LRRIQ1: variants seen among roughly 807,000 people sequenced by gnomAD.
LRRIQ1 encodes leucine-rich repeat- and IQ domain-containing protein 1.
LRRIQ1 carries 210 observed loss-of-function variants against 211.9 expected under a neutral mutation model. That is an observed-to-expected ratio of 0.99 (90% CI 0.89 to 1.11). LRRIQ1 has a LOEUF of 1.11. LRRIQ1 is among the 50% of genes most tolerant of loss of function. The pLI, the probability that LRRIQ1 is intolerant of heterozygous loss-of-function variation, is 0.00. For synonymous variants in LRRIQ1, 699 were observed against 650.1 expected (o/e 1.08, Z -1.14); for missense variants, 2,136 against 1,939.5 (o/e 1.10, Z -1.90).
intron 24 of LRRIQ1, among the ~76,000 whole-genome samples, chr12:85,217,338 A>T (rs1894136688): frequency 1.3e-5 from 2 of 150,410 alleles, no homozygotes; most frequent in South Asian, 2.1e-4. Flanking sequence ...GTTTCTTTTG[A>T]AATAAAAGTT....
chr12:85,101,742 A>G (rs1886358842), intron 13 of LRRIQ1, among the ~76,000 whole-genome samples: 1 of 151,850 alleles, frequency 6.6e-6, no homozygotes, highest in Non-Finnish European at 1.5e-5. Flanking sequence ...AAGAAAACAA[A>G]CATGATATTA....
intron 18 of LRRIQ1, among the ~76,000 whole-genome samples, chr12:85,133,558 T>C (rs1888918863): frequency 6.6e-6 from 1 of 152,096 alleles, no homozygotes. Context: ...CTGAAATAGA[T>C]GGTGAGGTTT....
intron 24 of LRRIQ1, among the ~76,000 whole-genome samples, chr12:85,223,842 A>C (rs548942488): frequency 6.6e-6 from 1 of 152,256 alleles, no homozygotes; most frequent in South Asian, 2.1e-4. Context: ...TACAATGTAC[A>C]AACTAAAATT....
Position 85,056,475 on chromosome 12 carries a change from A to G in LRRIQ1, c.1682A>G (p.Gln561Arg). Reference sequence around the variant, plus strand: ...ACCCAGATAATATTAGGACATAACCAAGAAATCAGTGAGGTGAAAACCAAT... The same window carrying G: ...ACCCAGATAATATTAGGACATAACCGAGAAATCAGTGAGGTGAAAACCAAT... ...QKTQIILGHN[Q>R]EISEVKTNEE... is the part of the protein sequence containing the mutation. The change falls in exon 8 of 27, where the codon CAA (glutamine) becomes CGA (arginine). Residue 561 changes from glutamine to arginine, a missense_variant. Coordinates refer to ENST00000393217, the MANE Select transcript of LRRIQ1 (RefSeq NM_001079910.2). The G allele has an allele frequency of 6.2e-7, 1 of 1,611,308 alleles. No homozygotes were observed. The highest frequency in any genetic ancestry group is 1.7e-5 in the Admixed American group (1 of 59,660).
At chr12:85,098,311 G>A in intron 11 of LRRIQ1, 44 bp from the exon 12 acceptor site, 1 of 1,307,812 alleles carries the variant, frequency 7.6e-7, no homozygotes, top group South Asian at 1.3e-5. Context: ...CTAGAGTCTG[G>A]AAGACTGTAT....
chr12:85,071,734 A>G (rs1404111312), intron 10 of LRRIQ1, among the ~76,000 whole-genome samples: 1 of 152,032 alleles, frequency 6.6e-6, no homozygotes, highest in Non-Finnish European at 1.5e-5. Flanking sequence ...AGACAATGCA[A>G]GAGCAAAGGG....
intron 24 of LRRIQ1, among the ~76,000 whole-genome samples, chr12:85,227,532 C>T (rs962365207): frequency 1.3e-5 from 2 of 151,762 alleles, no homozygotes; most frequent in African/African-American, 2.4e-5. Context: ...TTGATTTTTT[C>T]TTGTAAATTT....
At position 85,124,164 on chromosome 12, in the gene LRRIQ1, G is replaced by C; in HGVS notation, c.3652G>C (p.Gly1218Arg). 1 of 1,614,054 alleles carries C rather than the reference G, an allele frequency of 6.2e-7. No individual in the cohort carries two copies. The highest frequency in any genetic ancestry group is 2.2e-5 in the East Asian group (1 of 44,878). The change falls in exon 17 of 27, where the codon GGG becomes CGG. Residue 1218 changes from glycine (G) to arginine (R), a missense_variant. Gly to Arg is a moderately radical substitution (Grantham distance 125). Transcript: ENST00000393217. Reference sequence around the variant, plus strand: ...TGAATACCGACATGCACACGAACGAGGGGATGTAACTATCACCAAGAAAGA... The same window carrying C: ...TGAATACCGACATGCACACGAACGACGGGATGTAACTATCACCAAGAAAGA... ...STEYRHAHER[G>R]DVTITKKDES...
At position 85,198,063 on chromosome 12, in the gene LRRIQ1, A is replaced by T. The variant is rs11503286; in HGVS notation, c.4823-31454A>T. On this transcript the variant is annotated intron_variant, in intron 24 of 26. Transcript: ENST00000393217. ...ATAATATATTATATAATTATATATA[A>T]CATATTATTTATATATAATTTATTA... Among the ~76,000 whole-genome samples the T allele has an allele frequency of 4.9e-3, 239 of 48,898 alleles. 2 individuals carry two copies. The African/African-American group carries it at 0.069, about 14-fold the overall frequency. The allele number at this position is 48,898 out of a possible 152,430, so 32.1% of individuals were successfully genotyped here.
At chr12:85,133,157 G>T (rs1405673244) in intron 18 of LRRIQ1, among the ~76,000 whole-genome samples, 1 of 152,034 alleles carries the variant, frequency 6.6e-6, no homozygotes, top group Non-Finnish European at 1.5e-5. Flanking sequence ...GCTTATCATT[G>T]TGTTTAAATT....
At chr12:85,159,595 C>T (rs567759275) in intron 23 of LRRIQ1, 1 of 152,010 alleles carries the variant, frequency 6.6e-6, no homozygotes, top group East Asian at 1.9e-4. Context: ...TAGGATCTAA[C>T]CCAGGTCTGC....
chr12:85,233,012 A>G, intron 26 of LRRIQ1: 1 of 345,120 alleles, frequency 2.9e-6, no homozygotes, highest in Non-Finnish European at 5.2e-6. Flanking sequence ...CTTTAAAATA[A>G]AATTACTGTG....
At chr12:85,153,571 C>T in intron 21 of LRRIQ1, 92 bp from the exon 22 acceptor site, 1 of 780,356 alleles carries the variant, frequency 1.3e-6, no homozygotes, top group East Asian at 3.1e-5. Context: ...ATTTTATTTC[C>T]AAGTTTGAGA....
intron 24 of LRRIQ1, among the ~76,000 whole-genome samples, chr12:85,187,248 G>C (rs577125958): frequency 2.6e-5 from 4 of 152,190 alleles, no homozygotes; most frequent in African/African-American, 7.2e-5. Context: ...TTTCCTTACA[G>C]TTTAAAAGCT....
At chr12:85,215,854 A>G (rs1894053228) in intron 24 of LRRIQ1, among the ~76,000 whole-genome samples, 1 of 152,232 alleles carries the variant, frequency 6.6e-6, no homozygotes, top group Non-Finnish European at 1.5e-5. Context: ...AATATTGAAC[A>G]AATGAAAACA....
chr12:85,272,715 G>T, the LRRIQ1 span, among the ~76,000 whole-genome samples: 1 of 152,106 alleles, frequency 6.6e-6, no homozygotes, highest in Non-Finnish European at 1.5e-5. Context: ...GAGAGAGCAA[G>T]TGTGAAGGTA....
At chr12:85,155,334 C>T (rs910691685) in intron 23 of LRRIQ1, among the ~76,000 whole-genome samples, 1 of 151,470 alleles carries the variant, frequency 6.6e-6, no homozygotes, top group African/African-American at 2.4e-5. Flanking sequence ...ATTTTGTAAG[C>T]TCCTATTAAG....
downstream of LRRIQ1, among the ~76,000 whole-genome samples, chr12:85,248,395 G>A (rs1195566448): frequency 6.6e-6 from 1 of 151,538 alleles, no homozygotes; most frequent in Non-Finnish European, 1.5e-5. Flanking sequence ...TAGTAAAATA[G>A]TAGAAGAAAA....
At chr12:85,102,843 CTTAT>C (rs985725611) in intron 13 of LRRIQ1, among the ~76,000 whole-genome samples, 2 of 149,108 alleles carry the variant, frequency 1.3e-5, no homozygotes, top group African/African-American at 4.9e-5. Context: ...TTAATGCATA[CTTAT>C]TTATTTTGTA....
Sources: allele counts gnomAD v4.1 joint callset (sites outside exome capture counted in the v4.1 genomes callset), GRCh38; gene constraint gnomAD v4.1.1; transcripts MANE v1.5; gene names NCBI Gene and HGNC (gene_info 2026-07-23, HGNC 2026-07-21).